Variants in PODXL2 observed in about 807,000 individuals in gnomAD.
PODXL2 encodes the protein podocalyxin like 2.
PODXL2 carries 17 observed loss-of-function variants against 53.4 expected under a neutral mutation model. That is an observed-to-expected ratio of 0.32 (90% CI 0.22 to 0.48). The LOEUF (loss-of-function observed/expected upper bound fraction) is 0.48. Among genes scored for constraint, PODXL2 ranks in the 20% least tolerant of loss-of-function variants. PODXL2 has a pLI of 0.99. For missense variants in PODXL2, 673 were observed against 760.0 expected, an observed-to-expected ratio of 0.89 and a Z score of 1.35; for synonymous variants, 311 against 306.7, an observed-to-expected ratio of 1.01 and a Z score of -0.15.
chr3:127,648,796 T>C (rs1275758788), intron 2 of PODXL2, among the ~76,000 whole-genome samples: 1 of 144,408 alleles, frequency 6.9e-6, no homozygotes, highest in Non-Finnish European at 1.5e-5. Flanking sequence ...TCTTTTTTTT[T>C]TTTTTTTTTT....
Position 127,672,294 on chromosome 3 carries a change from G to A in PODXL2, c.1632G>A (p.Val544=), listed in dbSNP as rs1008446848. 7.1e-6 allele frequency: 11 copies of A among 1,546,992 alleles called. No individual in the cohort carries two copies. Among genetic ancestry groups the A allele is most frequent in the Non-Finnish European group, 8.7e-6 (10 of 1,147,438 alleles). The change falls in exon 8 of 8, where the codon GTG becomes GTA. Residue 544 remains valine, a synonymous_variant. Transcript: ENST00000342480. ...CGCACGGCGAGGAGCTGCGCTTCGT[G>A]GAGAACGGCTGCCACGACAACCCCA... is the stretch of plus-strand genomic sequence containing the variant. ...HVSHGEELRF[V]ENGCHDNPTL...
intron 2 of PODXL2, 95 bp from the exon 3 acceptor site, chr3:127,660,283 T>C: frequency 6.7e-7 from 1 of 1,497,822 alleles, no homozygotes; most frequent in Non-Finnish European, 9.0e-7. Context: ...GCCCTGTCAG[T>C]GTATTGTGGT....
intron 2 of PODXL2, among the ~76,000 whole-genome samples, chr3:127,641,951 C>CT (rs1306529289): frequency 1.3e-5 from 2 of 152,016 alleles, no homozygotes; most frequent in African/African-American, 4.8e-5. Flanking sequence ...TCGCACCTTC[C>CT]TGGTGGTTTC....
Position 127,661,072 on chromosome 3 carries a change from T to C in PODXL2, c.1044T>C (p.Ala348=), listed in dbSNP as rs2074764871. The stretch of plus-strand genomic sequence containing the variant: ...ACATGGAACTGACACCTTCCTCTGC[T>C]ACCTTGGGACAAGAAGATCTCAACC... The part of the protein sequence containing the change: ...PGDMELTPSS[A]TLGQEDLNQQ... Residue 348 remains alanine, a synonymous_variant, in exon 3 of 8, where the codon GCT becomes GCC. Transcript: ENST00000342480. 6.2e-7 allele frequency: 1 copy of C among 1,614,202 alleles called. No individual in the cohort carries two copies. The highest frequency in any genetic ancestry group is 1.3e-5 in the African/African-American group (1 of 75,054).
intron 2 of PODXL2, among the ~76,000 whole-genome samples, chr3:127,652,128 A>AT (rs1284467048): frequency 6.6e-6 from 1 of 152,244 alleles, no homozygotes; most frequent in African/African-American, 2.4e-5. Context: ...TAACCACACA[A>AT]GAGTCTAAGA....
At chr3:127,632,480 G>A (rs890674299) in intron 1 of PODXL2, among the ~76,000 whole-genome samples, 1 of 152,252 alleles carries the variant, frequency 6.6e-6, no homozygotes, top group African/African-American at 2.4e-5. Context: ...GGAGCATGCA[G>A]ATACAGATCT....
chr3:127,670,738 G>A (rs368230615), intron 6 of PODXL2, among the ~76,000 whole-genome samples: 2 of 152,166 alleles, frequency 1.3e-5, no homozygotes, highest in East Asian at 1.9e-4. Flanking sequence ...GGTGGTGCTC[G>A]CCCTCCTGCT....
chr3:127,660,797 G>T lies in PODXL2; in HGVS notation c.769G>T (p.Asp257Tyr). The T allele has an allele frequency of 2.5e-6, 4 of 1,614,208 alleles. No homozygotes were observed. The highest frequency in any genetic ancestry group is 1.1e-5 in the South Asian group (1 of 91,082). The change falls in exon 3 of 8, where the codon GAC becomes TAC. Residue 257 changes from aspartate to tyrosine, a missense_variant. Around this residue, in one of 3 missense-constraint regions of PODXL2, gnomAD observed 588 missense variants for 668.3 expected, o/e 0.88. Transcript: ENST00000342480. ...SVTPTTVTPG[D>Y]QDSTSQEAEA... ...CACCCCAACTACAGTGACTCCGGGG[G>T]ACCAGGACTCCACCAGCCAAGAGGC...
chr3:127,643,766 G>T (rs1406356387), intron 2 of PODXL2, among the ~76,000 whole-genome samples: 2 of 151,762 alleles, frequency 1.3e-5, no homozygotes, highest in African/African-American at 2.4e-5. Context: ...AGCCTCCCAG[G>T]TAGCTGGGAC....
At position 127,629,418 on chromosome 3, in the gene PODXL2, G is replaced by A; in HGVS notation, c.70+129G>A. 1.4e-6 allele frequency: 1 copy of A among 696,784 alleles called. No individual in the cohort carries two copies. The allele number at this position is 696,784 out of a possible 1,614,324, so 43.2% of individuals were successfully genotyped here. A position where few individuals can be genotyped will look rare whatever the true frequency, so the allele number is the denominator to read the frequency against. ...CCGGGAGCGCGCGTGTCCCGGCCGG[G>A]CCGCGGCGCCGCCCCGACACACGCG... On this transcript the variant is annotated intron_variant, in intron 1 of 7. Coordinates refer to ENST00000342480, the MANE Select transcript of PODXL2 (RefSeq NM_015720.4). The surrounding 1 kb of genome is among the most constrained non-coding windows in gnomAD (Gnocchi z 6.4).
At chr3:127,639,657 T>G in intron 2 of PODXL2, 134 bp downstream of exon 2, 2 of 864,294 alleles carry the variant, frequency 2.3e-6, no homozygotes, top group Non-Finnish European at 3.5e-6. Context: ...GCTGTTTACC[T>G]GCACATCAGA....
intron 2 of PODXL2, among the ~76,000 whole-genome samples, chr3:127,640,020 A>G (rs373162113): frequency 4.6e-5 from 7 of 152,240 alleles, no homozygotes; most frequent in African/African-American, 1.4e-4. Flanking sequence ...CCGACCAGCA[A>G]TTGAGGCATT....
At chr3:127,644,210 C>G (rs2074638888) in intron 2 of PODXL2, among the ~76,000 whole-genome samples, 1 of 152,120 alleles carries the variant, frequency 6.6e-6, no homozygotes, top group Non-Finnish European at 1.5e-5. Context: ...CTCCGAGGTT[C>G]AAGTGATCCT....
At chr3:127,662,333 G>A (rs201623804) in intron 4 of PODXL2, 22 bp downstream of exon 4, 120 of 1,596,190 alleles carry the variant, frequency 7.5e-5, no homozygotes, top group Non-Finnish European at 9.2e-5. Flanking sequence ...GCCAGGCTCC[G>A]AACCGCAGGG....
Position 127,660,431 on chromosome 3 carries a change from C to G in PODXL2, c.403C>G (p.Gln135Glu). The G allele has an allele frequency of 1.2e-6, 2 of 1,614,130 alleles. No homozygotes were observed. Among genetic ancestry groups the G allele is most frequent in the Non-Finnish European group, 1.7e-6 (2 of 1,179,960 alleles). Residue 135 changes from glutamine to glutamate, a missense_variant, in exon 3 of 8, where the codon CAG (glutamine) becomes GAG (glutamate). Gln to Glu is a conservative substitution (Grantham distance 29). Transcript: ENST00000342480. ...GGCAGGTTCCATTGAAGACACCAGC[C>G]AGGCTCAAGAGCTGCCAAACCTCCC... is the stretch of plus-strand genomic sequence containing the variant. ...EKAGSIEDTSQAQELPNLPSP... is the reference protein window; with the variant it reads ...EKAGSIEDTSEAQELPNLPSP...
intron 2 of PODXL2, among the ~76,000 whole-genome samples, chr3:127,651,072 C>G (rs1430823801): frequency 6.6e-6 from 1 of 152,168 alleles, no homozygotes; most frequent in Non-Finnish European, 1.5e-5. Context: ...CAAGACCAGC[C>G]TGACCAACAT....
In PODXL2 at chr3:127,660,708, A is replaced by G. The variant is rs144991794; in HGVS notation, c.680A>G (p.Asp227Gly). 22 of 1,614,038 alleles carry G rather than the reference A, an allele frequency of 1.4e-5. No individual in the cohort carries two copies. The African/African-American group carries it at 1.9e-4, about 14-fold the overall frequency. Residue 227 changes from aspartate to glycine, a missense_variant, in exon 3 of 8, where the codon GAC becomes GGC. Transcript: ENST00000342480. Reference protein sequence around the residue: ...ATKSRHEDSGDQASSGVEVES... With the variant: ...ATKSRHEDSGGQASSGVEVES... ...AAAAGCAGGCATGAAGACTCCGGGG[A>G]CCAGGCCTCATCAGGTGTGGAGGTG...
chr3:127,671,252 G>C (rs992988261), intron 6 of PODXL2, among the ~76,000 whole-genome samples, 182 bp from the exon 7 acceptor site: 2 of 152,246 alleles, frequency 1.3e-5, no homozygotes, highest in Admixed American at 1.3e-4. Context: ...CAGGTGTACT[G>C]AGGCAAACGG....
chr3:127,669,762 T>C (rs1055618882), intron 6 of PODXL2, among the ~76,000 whole-genome samples: 2 of 152,194 alleles, frequency 1.3e-5, no homozygotes, highest in Non-Finnish European at 2.9e-5. Flanking sequence ...CCCCACCCAG[T>C]GCAGTCTGCT....
Sources: gnomAD v4.1 joint callset for allele counts (sites outside exome capture counted in the v4.1 genomes callset) on GRCh38, gnomAD v4.1.1 for gene constraint, gnomAD v4.1.1 regional missense constraint, Gnocchi (gnomAD v3.1) non-coding constraint, MANE v1.5 for transcripts, NCBI Gene and HGNC (gene_info 2026-07-23, HGNC 2026-07-21) for gene names.